The following ZNF438 variants were observed in gnomAD, a reference collection of about 807,000 sequenced individuals.
The protein encoded by ZNF438 is zinc finger protein 438.
A neutral mutation model predicts 38.0 loss-of-function variants in ZNF438; 25 were observed. That is an observed-to-expected ratio of 0.66 (90% confidence interval 0.48 to 0.92). The LOEUF (loss-of-function observed/expected upper bound fraction) is 0.92, where lower values mean the gene tolerates loss of function less well. Ranked by LOEUF, ZNF438 falls within the 40% of genes least tolerant of loss-of-function variation. ZNF438 has a pLI of 0.00. For missense variants in ZNF438, 1,007 were observed against 999.6 expected (o/e 1.01, Z -0.10); for synonymous variants, 372 against 364.1 (o/e 1.02, Z -0.25).
chr10:30,934,710 T>A (rs2046055020), intron 2 of ZNF438, among the ~76,000 whole-genome samples: 1 of 152,236 alleles, frequency 6.6e-6, no homozygotes, highest in Non-Finnish European at 1.5e-5. Flanking sequence ...TCAACTCTAA[T>A]CCAATAAGCC....
At chr10:30,963,752 G>T (rs1367603261) in intron 1 of ZNF438, among the ~76,000 whole-genome samples, 1 of 151,948 alleles carries the variant, frequency 6.6e-6, no homozygotes, top group South Asian at 2.1e-4. Flanking sequence ...ACGGTGGCAG[G>T]CGCCTGTAAT....
chr10:30,921,502 C>G (rs1300133198), intron 2 of ZNF438, among the ~76,000 whole-genome samples: 1 of 152,100 alleles, frequency 6.6e-6, no homozygotes, highest in Admixed American at 6.5e-5. Flanking sequence ...TTATAAATAT[C>G]TTGACCTATT....
exon 5 of ZNF438, chr10:30,849,729 C>G: frequency 1.2e-6 from 2 of 1,614,186 alleles, no homozygotes; most frequent in Non-Finnish European, 1.7e-6. Context: ...GCAGGCTCCT[C>G]TGGTGTGGAT....
intron 2 of ZNF438, among the ~76,000 whole-genome samples, chr10:30,910,147 T>TA (rs368582064): frequency 6.6e-6 from 1 of 151,980 alleles, no homozygotes; most frequent in African/African-American, 2.4e-5. Context: ...CCTAGGGTGT[T>TA]AGAGTACAAT....
At chr10:30,857,771 G>A in intron 4 of ZNF438, 1 of 1,440,132 alleles carries the variant, frequency 6.9e-7, no homozygotes, top group Non-Finnish European at 9.3e-7. Flanking sequence ...GCCATCAAAG[G>A]ATTGGATCTG....
chr10:30,961,546 C>G lies in ZNF438; in HGVS notation c.-191-19895G>C, dbSNP rs543183046. On this transcript the variant is annotated intron_variant, in intron 1 of 5. Transcript: ENST00000413025. ...TTTTATTTTTTTTAAACAAAAAGTGCTAAATTTTAAATTTGATAGAATCCC... is the reference window on the plus strand; with the variant it reads ...TTTTATTTTTTTTAAACAAAAAGTGGTAAATTTTAAATTTGATAGAATCCC... Among the ~76,000 whole-genome samples the G allele has an allele frequency of 4.0e-3, 581 of 145,760 alleles. 16 individuals carry two copies. Among genetic ancestry groups the G allele is most frequent in the African/African-American group, 0.013 (539 of 41,048 alleles).
At chr10:30,915,428 T>C (rs1420457208) in intron 2 of ZNF438, among the ~76,000 whole-genome samples, 1 of 152,066 alleles carries the variant, frequency 6.6e-6, no homozygotes, top group African/African-American at 2.4e-5. Context: ...AACCAGACTG[T>C]CATCTTGCTG....
intron 4 of ZNF438, among the ~76,000 whole-genome samples, chr10:30,862,059 G>T (rs1409315010): frequency 6.6e-6 from 1 of 152,064 alleles, no homozygotes; most frequent in Non-Finnish European, 1.5e-5. Context: ...TTGAAATTTG[G>T]ACCTTGACAA....
intron 1 of ZNF438, among the ~76,000 whole-genome samples, chr10:31,013,637 A>G (rs2055930654): frequency 2.6e-5 from 4 of 152,150 alleles, no homozygotes; most frequent in African/African-American, 9.7e-5. Context: ...AGATGCAGGA[A>G]AGAAACTTCC....
intron 1 of ZNF438, among the ~76,000 whole-genome samples, chr10:30,997,823 T>C (rs1204148445): frequency 2.0e-5 from 3 of 152,194 alleles, no homozygotes; most frequent in Non-Finnish European, 4.4e-5. Context: ...TATGTCATTC[T>C]TGGAGTTAAA....
chr10:30,996,798 C>T (rs2054091994), intron 1 of ZNF438, among the ~76,000 whole-genome samples: 1 of 151,980 alleles, frequency 6.6e-6, no homozygotes. Context: ...ACATGCTAGG[C>T]CATAAACAAC....
chr10:30,884,358 A>G (rs1242798843), intron 3 of ZNF438, among the ~76,000 whole-genome samples: 1 of 152,164 alleles, frequency 6.6e-6, no homozygotes, highest in Admixed American at 6.5e-5. Flanking sequence ...TGATCCTCTG[A>G]TTTGACTGGA....
intron 3 of ZNF438, among the ~76,000 whole-genome samples, chr10:30,880,879 T>C (rs981089053): frequency 6.6e-6 from 1 of 150,668 alleles, no homozygotes; most frequent in Non-Finnish European, 1.5e-5. Flanking sequence ...AAAAGAAAAC[T>C]ACATGATTAT....
At chr10:30,906,278 G>A (rs2042575059) in intron 3 of ZNF438, among the ~76,000 whole-genome samples, 1 of 151,988 alleles carries the variant, frequency 6.6e-6, no homozygotes, top group Non-Finnish European at 1.5e-5. Context: ...CACTTCTTTT[G>A]CTTATTTGTA....
intron 5 of ZNF438, among the ~76,000 whole-genome samples, chr10:30,846,041 C>T (rs1018693791): frequency 6.6e-6 from 1 of 152,198 alleles, no homozygotes; most frequent in Non-Finnish European, 1.5e-5. Flanking sequence ...TAAAGGGTGC[C>T]TACCCTATTT....
At chr10:30,849,932 T>G (rs777034196) in exon 5 of ZNF438, 2 of 1,614,200 alleles carry the variant, frequency 1.2e-6, no homozygotes, top group Non-Finnish European at 8.5e-7. Flanking sequence ...AGGGGACATC[T>G]GAGGACACAT....
At chr10:31,016,303 A>G (rs2056192549) in intron 1 of ZNF438, among the ~76,000 whole-genome samples, 1 of 152,232 alleles carries the variant, frequency 6.6e-6, no homozygotes, top group South Asian at 2.1e-4. Context: ...AGACAATCTG[A>G]AAAATAAATT....
chr10:31,002,582 T>C (rs868465212), intron 1 of ZNF438, among the ~76,000 whole-genome samples: 6 of 152,226 alleles, frequency 3.9e-5, no homozygotes, highest in Non-Finnish European at 8.8e-5. Context: ...TGATACTAGC[T>C]AGACCTGATT....
intron 2 of ZNF438, among the ~76,000 whole-genome samples, chr10:30,935,555 A>G (rs1349379834): frequency 2.0e-5 from 3 of 151,972 alleles, no homozygotes; most frequent in African/African-American, 7.2e-5. Flanking sequence ...TGACTCAAAC[A>G]CCTCCCATTA....
Sources: allele counts gnomAD v4.1 joint callset (sites outside exome capture counted in the v4.1 genomes callset), GRCh38; gene constraint gnomAD v4.1.1; transcripts MANE v1.5; gene names NCBI Gene and HGNC (gene_info 2026-07-23, HGNC 2026-07-21).